The following DMD variants were observed in gnomAD, a reference collection of about 807,000 sequenced individuals.
DMD encodes mutant dystrophin.
Under a neutral mutation model 330.1 loss-of-function variants are expected in DMD, and 63 were observed. That is an observed-to-expected ratio of 0.19 (90% CI 0.16 to 0.24). DMD has a LOEUF of 0.24. DMD is among the 10% of genes least tolerant of loss of function. The pLI, the probability that DMD is intolerant of heterozygous loss-of-function variation, is 1.00. For synonymous variants in DMD, 1,223 were observed against 959.8 expected (o/e 1.27, Z -5.07); for missense variants, 3,344 against 2,684.1 (o/e 1.25, Z -5.43).
At chrX:31,879,184 T>A (rs1002855725) in intron 47 of DMD, among the ~76,000 whole-genome samples, 15 of 85,882 alleles carry the variant, frequency 1.7e-4, no homozygotes, top group African/African-American at 6.1e-4. Flanking sequence ...GGAAAGAGGT[T>A]TAATGGACTC....
intron 12 of DMD, 39 bp downstream of exon 12, chrX:32,614,264 G>T: frequency 1.7e-6 from 2 of 1,196,182 alleles, no homozygotes; most frequent in South Asian, 3.5e-5. Context: ...CACAGAGTTT[G>T]CTTTCTAGTA....
chrX:31,122,263 T>TCAGAACAGGAATATTCCATGATGGGATA (rs1244378385), intron 78 of DMD, among the ~76,000 whole-genome samples: 1 of 112,247 alleles, frequency 8.9e-6, no homozygotes. Context: ...AAGATTTCTA[T>TCAGAACAGGAATATTCCATGATGGGATA]CAGAACAGGA....
intron 43 of DMD, among the ~76,000 whole-genome samples, chrX:32,255,147 A>G (rs2097293122): frequency 8.9e-6 from 1 of 112,072 alleles, no homozygotes; most frequent in Admixed American, 9.5e-5. Context: ...GTTCTGCTGT[A>G]TGGATACACC....
At chrX:32,918,383 G>A (rs1323174788) in intron 2 of DMD, among the ~76,000 whole-genome samples, 1 of 111,245 alleles carries the variant, frequency 9.0e-6, no homozygotes, top group Non-Finnish European at 1.9e-5. Flanking sequence ...TGACAAGGTC[G>A]CACTCTGTCG....
chrX:32,758,975 C>T (rs1016057543), intron 7 of DMD, among the ~76,000 whole-genome samples: 1 of 112,111 alleles, frequency 8.9e-6, no homozygotes, highest in Non-Finnish European at 1.9e-5. Context: ...TCCCTCTTCT[C>T]TATTTCGAAA....
intron 9 of DMD, among the ~76,000 whole-genome samples, chrX:32,679,886 C>T (rs1055832904): frequency 2.3e-5 from 2 of 86,634 alleles, no homozygotes; most frequent in African/African-American, 9.5e-5. Context: ...ATGTTCGTTT[C>T]GCTCTAATAT....
chrX:31,861,946 TACACACACACACACAC>T (rs60169449), intron 48 of DMD, among the ~76,000 whole-genome samples: 2 of 87,965 alleles, frequency 2.3e-5, no homozygotes, highest in East Asian at 3.7e-4. Context: ...GAAAATAATA[TACACACACACACACAC>T]ACACACACAC....
At chrX:33,027,949 G>T (rs1285149134) in intron 1 of DMD, among the ~76,000 whole-genome samples, 1 of 111,718 alleles carries the variant, frequency 9.0e-6, no homozygotes, top group Non-Finnish European at 1.9e-5. Context: ...TGGCAGAGAT[G>T]ACCCTAGAAA....
intron 57 of DMD, among the ~76,000 whole-genome samples, chrX:31,482,804 G>T (rs2068416249): frequency 9.0e-6 from 1 of 111,641 alleles, no homozygotes; most frequent in East Asian, 2.8e-4. Flanking sequence ...GCATAGGAAT[G>T]ATTTGAACCT....
chrX:31,600,827 G>C (rs1389507882), intron 55 of DMD, among the ~76,000 whole-genome samples: 8 of 97,772 alleles, frequency 8.2e-5, no homozygotes, highest in African/African-American at 2.7e-4. Flanking sequence ...CTTTTTTTCT[G>C]GGCTCTGAGA....
At chrX:31,249,655 T>A (rs1232366708) in intron 63 of DMD, among the ~76,000 whole-genome samples, 1 of 111,409 alleles carries the variant, frequency 9.0e-6, no homozygotes, top group African/African-American at 3.3e-5. Flanking sequence ...GATCAGGTGA[T>A]CTTTATCACC....
chrX:32,757,904 G>T (rs1426075387), intron 7 of DMD, among the ~76,000 whole-genome samples: 1 of 111,470 alleles, frequency 9.0e-6, no homozygotes, highest in Non-Finnish European at 1.9e-5. Flanking sequence ...TCCTGTTTCT[G>T]CTGTTAGAGG....
intron 44 of DMD, among the ~76,000 whole-genome samples, chrX:32,175,814 CGTAT>C (rs1461363008): frequency 1.8e-5 from 2 of 111,394 alleles, no homozygotes; most frequent in Non-Finnish European, 3.8e-5. Flanking sequence ...TAGATGGCTA[CGTAT>C]GTAAACAAAA....
intron 44 of DMD, among the ~76,000 whole-genome samples, chrX:32,182,312 A>G (rs1349451071): frequency 1.8e-5 from 2 of 112,356 alleles, no homozygotes; most frequent in African/African-American, 6.5e-5. Flanking sequence ...ATTTTATTGG[A>G]TATGTAATTT....
rs2097699136 is a variant in DMD at position 32,335,145 on chromosome X, T to G, written c.5922+6955A>C. Among the ~76,000 whole-genome samples, 3 of 110,766 alleles carry G rather than the reference T, an allele frequency of 2.7e-5. No homozygotes were observed. The Admixed American group carries it at 2.9e-4, about 11-fold the overall frequency. On this transcript the variant is annotated intron_variant, in intron 41 of 78. Coordinates refer to ENST00000357033, the MANE Select transcript of DMD (RefSeq NM_004006.3). ...TTCAGATTCAAACAACTTAAAAAAG[T>G]TAGTGGAAAAATATTCACAATATAT...
intron 1 of DMD, among the ~76,000 whole-genome samples, chrX:33,150,058 G>A (rs1286202940): frequency 9.0e-6 from 1 of 111,043 alleles, no homozygotes; most frequent in African/African-American, 3.3e-5. Context: ...ATAAAGAGAT[G>A]CGTTCTTTCT....
chrX:32,592,321 C>CT (rs1569266932), intron 13 of DMD, among the ~76,000 whole-genome samples: 2 of 110,790 alleles, frequency 1.8e-5, no homozygotes, highest in South Asian at 3.9e-4. Context: ...AATGTACCTC[C>CT]TCCCTTCCGA....
Position 31,637,066 on chromosome X carries a change from ATTGC to A in DMD, c.8028-9208_8028-9205del, listed in dbSNP as rs2079459623. Among the ~76,000 whole-genome samples the A allele has an allele frequency of 5.4e-5, 6 of 112,103 alleles. No homozygotes were observed. The Admixed American group carries it at 5.7e-4, about 11-fold the overall frequency. ...AACATGAAAATAAAATACTTCATAC[ATTGC>A]TTTACTAGACATTTTACAGTGAAAT... On this transcript the variant is annotated intron_variant, in intron 54 of 78. Coordinates refer to ENST00000357033, the MANE Select transcript of DMD (RefSeq NM_004006.3).
intron 42 of DMD, among the ~76,000 whole-genome samples, chrX:32,296,312 C>T (rs748460953): frequency 1.8e-5 from 2 of 111,083 alleles, no homozygotes; most frequent in Non-Finnish European, 3.8e-5. Context: ...AATCACTTGA[C>T]CCCAGGAAGC....
Sources: gnomAD v4.1 joint callset for allele counts (sites outside exome capture counted in the v4.1 genomes callset) on GRCh38, gnomAD v4.1.1 for gene constraint, MANE v1.5 for transcripts, NCBI Gene and HGNC (gene_info 2026-07-23, HGNC 2026-07-21) for gene names.